Variants in CUL7 observed in about 807,000 individuals in gnomAD.
CUL7 encodes cullin-7.
CUL7 carries 96 observed loss-of-function variants against 177.7 expected under a neutral mutation model. That is an observed-to-expected ratio of 0.54 (90% CI 0.46 to 0.64). The LOEUF is 0.64. CUL7 is among the 30% of genes least tolerant of loss of function. The pLI, the probability that CUL7 is intolerant of heterozygous loss-of-function variation, is 0.00. For missense variants in CUL7, 1,893 were observed against 2,187.9 expected (o/e 0.87, Z 2.69); for synonymous variants, 824 against 890.2 (o/e 0.93, Z 1.32).
rs780600533 is a variant in CUL7 at position 43,052,356 on chromosome 6, T to C, written c.433A>G (p.Ser145Gly). 1.2e-6 allele frequency: 2 copies of C among 1,614,254 alleles called. No individual in the cohort carries two copies. The highest frequency in any genetic ancestry group is 1.1e-5 in the South Asian group (1 of 91,092). ...AGGGGCTCAATGCTGGCATAGGCGC[T>C]GAGCACGTGGACAGTGTGAAGTAGA... Reference protein sequence around the residue: ...APLLHTVHVLSAYASIEPLTG... With the variant: ...APLLHTVHVLGAYASIEPLTG... Residue 145 changes from serine to glycine, a missense_variant, in exon 2 of 26, where the codon AGC (serine) becomes GGC (glycine). Ser to Gly is a moderately conservative substitution (Grantham distance 56, BLOSUM62 0). Transcript: ENST00000265348. The surrounding 1 kb of genome is among the most constrained non-coding windows in gnomAD (Gnocchi z 4.5).
intron 15 of CUL7, 114 bp from the exon 16 acceptor site, chr6:43,044,999 G>C: frequency 6.7e-7 from 1 of 1,495,410 alleles, no homozygotes; most frequent in Non-Finnish European, 9.1e-7. Context: ...AAGGCCCCCT[G>C]GTACTTCAGA....
chr6:43,041,658 G>T, intron 19 of CUL7, among the ~76,000 whole-genome samples: 1 of 150,720 alleles, frequency 6.6e-6, no homozygotes, highest in South Asian at 2.1e-4. Flanking sequence ...GAGAGGAAAA[G>T]AGGGGAGGGA....
At position 43,046,439 on chromosome 6, in the gene CUL7, G is replaced by A. The variant is rs111320577; in HGVS notation, c.2489-32C>T. 0.029 allele frequency: 46,065 copies of A among 1,614,146 alleles called. 808 individuals are homozygous for A. The highest frequency in any genetic ancestry group is 0.078 in the African/African-American group (5,828 of 75,000). Reference sequence around the variant, plus strand: ...GCAAGTGGGAAGGGGTGGTGGTCACGGTCAGGTAGGGTGTAGAGGGGAAAC... The same window carrying A: ...GCAAGTGGGAAGGGGTGGTGGTCACAGTCAGGTAGGGTGTAGAGGGGAAAC... On this transcript the variant is annotated intron_variant, in intron 11 of 25. Coordinates refer to ENST00000265348, the MANE Select transcript of CUL7 (RefSeq NM_014780.5).
Position 43,051,020 on chromosome 6 carries a change from G to A in CUL7, c.1181C>T (p.Ala394Val). 1.9e-6 allele frequency: 3 copies of A among 1,614,054 alleles called. No individual in the cohort carries two copies. Among genetic ancestry groups the A allele is most frequent in the Non-Finnish European group, 2.5e-6 (3 of 1,180,002 alleles). ...RMLDDYEEIS[A>V]GDEGEFRQSN... ...CTGCCGAAACTCGCCCTCATCCCCG[G>A]CACTGATCTCCTCATAATCATCCAG... is the stretch of plus-strand genomic sequence containing the variant. The change falls in exon 4 of 26, where the codon GCC (alanine) becomes GTC (valine). Residue 394 changes from alanine (A) to valine (V), a missense_variant. Coordinates refer to ENST00000265348, the MANE Select transcript of CUL7 (RefSeq NM_014780.5). This position sits in a 1 kb window ranked among gnomAD's most constrained non-coding sequence, Gnocchi z 5.0.
chr6:43,040,222 G>C lies in CUL7; in HGVS notation c.4228C>G (p.Pro1410Ala). Residue 1410 changes from proline to alanine, a missense_variant, in exon 22 of 26, where the codon CCC (proline) becomes GCC (alanine). This residue lies in a region of CUL7 where 973 missense variants were observed against 1,140.9 expected (regional missense o/e 0.85). Transcript: ENST00000265348. The surrounding 1 kb of genome is among the most constrained non-coding windows in gnomAD (Gnocchi z 4.2). Reference sequence around the variant, plus strand: ...AGGTAGGAGGGCAGGCAGGTTCTGGGGTTCAGTGTGTGGCAGATTGAGGCA... The same window carrying C: ...AGGTAGGAGGGCAGGCAGGTTCTGGCGTTCAGTGTGTGGCAGATTGAGGCA... Reference protein sequence around the residue: ...PVASICHTLNPRTCLPSYLRG... With the variant: ...PVASICHTLNARTCLPSYLRG... 6.2e-7 allele frequency: 1 copy of C among 1,614,186 alleles called. No individual in the cohort carries two copies. The highest frequency in any genetic ancestry group is 8.5e-7 in the Non-Finnish European group (1 of 1,180,044).
chr6:43,039,082 T>G, intron 22 of CUL7, 95 bp from the exon 23 acceptor site: 5 of 817,486 alleles, frequency 6.1e-6, no homozygotes, highest in Non-Finnish European at 8.4e-6. Flanking sequence ...TGTTTATCTC[T>G]GCAAGGCGTG....
At chr6:43,047,633 C>T (rs910042682) in intron 9 of CUL7, among the ~76,000 whole-genome samples, 2 of 152,174 alleles carry the variant, frequency 1.3e-5, no homozygotes, top group Non-Finnish European at 2.9e-5. Context: ...GCCTTCTGTG[C>T]CCAGGACTTC....
At position 43,050,843 on chromosome 6, in the gene CUL7, C is replaced by T; in HGVS notation, c.1233+125G>A. The T allele has an allele frequency of 2.4e-6, 3 of 1,262,302 alleles. No individual in the cohort carries two copies. The allele number at this position is 1,262,302 out of a possible 1,614,324, so 78.2% of individuals were successfully genotyped here. ...CCCTCTCAACTACTGACTCTTTTCA[C>T]CATTCCAATCTTACCTAAAGCTTTC... is the stretch of plus-strand genomic sequence containing the variant. On this transcript the variant is annotated intron_variant, in intron 4 of 25. Transcript: ENST00000265348. This position sits in a 1 kb window ranked among gnomAD's most constrained non-coding sequence, Gnocchi z 4.1.
Position 43,052,128 on chromosome 6 carries a change from C to T in CUL7, c.580+81G>A. The T allele has an allele frequency of 6.3e-7, 1 of 1,581,120 alleles. No homozygotes were observed. Among genetic ancestry groups the T allele is most frequent in the Non-Finnish European group, 8.6e-7 (1 of 1,163,436 alleles). On this transcript the variant is annotated intron_variant, in intron 2 of 25. Coordinates refer to ENST00000265348, the MANE Select transcript of CUL7 (RefSeq NM_014780.5). This position sits in a 1 kb window ranked among gnomAD's most constrained non-coding sequence, Gnocchi z 4.5. ...ATTTACGTACTGATGAGATCAGAGG[C>T]TCCTGCCACAGTGTCCTGTGAGTCC...
In CUL7 at chr6:43,040,649, G is replaced by A. The variant is rs761238421; in HGVS notation, c.3904C>T (p.Gln1302Ter). 1 of 1,614,078 alleles carries A rather than the reference G, an allele frequency of 6.2e-7. No individual in the cohort carries two copies. Among genetic ancestry groups the A allele is most frequent in the African/African-American group, 1.3e-5 (1 of 74,940 alleles). Residue 1302 changes from glutamine (Q) to a stop codon, truncating the protein, a stop_gained, in exon 21 of 26, where the codon CAG becomes TAG. Coordinates refer to ENST00000265348, the MANE Select transcript of CUL7 (RefSeq NM_014780.5). LOFTEE classifies it high-confidence loss of function. This position sits in a 1 kb window ranked among gnomAD's most constrained non-coding sequence, Gnocchi z 4.2. ...GTGCTCAGGCTCTGCAACATCTGCTGGGGGAGGCGGTTGGGGAAGCAGGGA... is the reference window on the plus strand; with the variant it reads ...GTGCTCAGGCTCTGCAACATCTGCTAGGGGAGGCGGTTGGGGAAGCAGGGA... ...IGPCFPNRLP[Q>*]QMLQSLSTSK...
At position 43,040,317 on chromosome 6, in the gene CUL7, T is replaced by C. The variant is rs1763296791; in HGVS notation, c.4133A>G (p.Glu1378Gly). 1 of 1,613,986 alleles carries C rather than the reference T, an allele frequency of 6.2e-7. No homozygotes were observed. Among genetic ancestry groups the C allele is most frequent in the Non-Finnish European group, 8.5e-7 (1 of 1,179,990 alleles). ...CATTGCCCCTTCATAGTAGAGGTCCTCATTCTCCTCCTCTTCCTCCTCTCC... is the reference window on the plus strand; with the variant it reads ...CATTGCCCCTTCATAGTAGAGGTCCCCATTCTCCTCCTCTTCCTCCTCTCC... The part of the protein sequence containing the change: ...AEGEEEEEEN[E>G]DLYYEGAMPE... The change falls in exon 22 of 26, where the codon GAG becomes GGG. Residue 1378 changes from glutamate to glycine, a missense_variant. Transcript: ENST00000265348. The surrounding 1 kb of genome is among the most constrained non-coding windows in gnomAD (Gnocchi z 4.2).
chr6:43,049,856 C>T, intron 6 of CUL7, 107 bp downstream of exon 6: 1 of 1,370,598 alleles, frequency 7.3e-7, no homozygotes, highest in East Asian at 2.3e-5. Context: ...GCAGCCCCTT[C>T]CACTCTCTGA....
chr6:43,049,303 G>A, intron 7 of CUL7, 104 bp downstream of exon 7: 2 of 1,464,258 alleles, frequency 1.4e-6, no homozygotes, highest in East Asian at 2.3e-5. Context: ...AGCTTCTAAG[G>A]TGGCATCACT....
intron 7 of CUL7, among the ~76,000 whole-genome samples, chr6:43,048,791 G>A (rs1236770429): frequency 4.7e-5 from 7 of 149,004 alleles, no homozygotes; most frequent in Admixed American, 1.3e-4. Context: ...TCTTTGAGAC[G>A]GAGTCTCGCT....
In CUL7 at chr6:43,052,387, A is replaced by G. The variant is rs748507631; in HGVS notation, c.402T>C (p.Pro134=). Residue 134 remains proline, a synonymous_variant, in exon 2 of 26, where the codon CCT becomes CCC. Transcript: ENST00000265348. This position sits in a 1 kb window ranked among gnomAD's most constrained non-coding sequence, Gnocchi z 4.5. Reference sequence around the variant, plus strand: ...CGTGGACAGTGTGAAGTAGAGGAGCAGGAGGGATAGTGCCCACACACTCCT... The same window carrying G: ...CGTGGACAGTGTGAAGTAGAGGAGCGGGAGGGATAGTGCCCACACACTCCT... ...QLEECVGTIP[P]APLLHTVHVL... 1.2e-6 allele frequency: 2 copies of G among 1,614,266 alleles called. No homozygotes were observed. Among genetic ancestry groups the G allele is most frequent in the East Asian group, 2.2e-5 (1 of 44,892 alleles).
chr6:43,047,522 G>A (rs1263662878), intron 9 of CUL7, among the ~76,000 whole-genome samples: 3 of 152,174 alleles, frequency 2.0e-5, no homozygotes, highest in Admixed American at 6.5e-5. Context: ...TATACCCAAT[G>A]AGCCTGCCTT....
In CUL7 at chr6:43,053,535, T is replaced by C. The variant is rs1222465310; in HGVS notation, c.-9+87A>G. ...GCTAGAACCCCGAGGCACGGTAGGA[T>C]GGGGACCGAGGTTGGGTGAGCGCGA... is the stretch of plus-strand genomic sequence containing the variant. On this transcript the variant is annotated intron_variant, in intron 1 of 25. Coordinates refer to ENST00000265348, the MANE Select transcript of CUL7 (RefSeq NM_014780.5). The surrounding 1 kb of genome is among the most constrained non-coding windows in gnomAD (Gnocchi z 4.1). 2.2e-6 allele frequency: 2 copies of C among 913,296 alleles called. No homozygotes were observed. The highest frequency in any genetic ancestry group is 6.3e-5 in the East Asian group (2 of 31,566). The allele number at this position is 913,296 out of a possible 1,614,324, so 56.6% of individuals were successfully genotyped here.
At chr6:43,041,177 C>T (rs1242756116) in intron 19 of CUL7, 102 bp from the exon 20 acceptor site, 1 of 1,144,310 alleles carries the variant, frequency 8.7e-7, no homozygotes, top group African/African-American at 1.5e-5. Context: ...ATGCTGGCAG[C>T]TTTCTAAGGT....
chr6:43,051,691 C>T lies in CUL7; in HGVS notation c.653G>A (p.Arg218His), dbSNP rs146982590. ...TGCAAACAGTGCTAGCAGAGCACAG[C>T]GGCTGTCAAAATCCAGGTGTTTCTC... The part of the protein sequence containing the change: ...AIEKHLDFDS[R>H]CALLALFAQA... The change falls in exon 3 of 26, where the codon CGC becomes CAC. Residue 218 changes from arginine to histidine, a missense_variant. Physicochemically the swap from Arg to His is conservative, Grantham distance 29. Coordinates refer to ENST00000265348, the MANE Select transcript of CUL7 (RefSeq NM_014780.5). The surrounding 1 kb of genome is among the most constrained non-coding windows in gnomAD (Gnocchi z 5.0). The T allele has an allele frequency of 3.6e-5, 58 of 1,614,014 alleles. No individual in the cohort carries two copies. The highest frequency in any genetic ancestry group is 2.5e-4 in the African/African-American group (19 of 74,880).
Sources: gnomAD v4.1 joint callset for allele counts (sites outside exome capture counted in the v4.1 genomes callset) on GRCh38, gnomAD v4.1.1 for gene constraint, gnomAD v4.1.1 regional missense constraint, Gnocchi (gnomAD v3.1) non-coding constraint, MANE v1.5 for transcripts, NCBI Gene and HGNC (gene_info 2026-07-23, HGNC 2026-07-21) for gene names.